GABRG1: variants seen among roughly 807,000 people sequenced by gnomAD.
The protein encoded by GABRG1 is gamma-aminobutyric acid receptor subunit gamma-1.
In GABRG1, 49 loss-of-function variants were observed where a neutral mutation model predicts 49.8. The observed-to-expected ratio is 0.98, with a 90% CI of 0.78 to 1.25. The LOEUF is 1.25. Among genes scored for constraint, GABRG1 ranks in the 50% most tolerant of loss-of-function variants. GABRG1 has a pLI of 0.00. For missense variants in GABRG1, 552 were observed against 552.3 expected (o/e 1.00, Z 0.01); for synonymous variants, 232 against 185.1 (o/e 1.25, Z -2.06).
intron 3 of GABRG1, among the ~76,000 whole-genome samples, chr4:46,072,574 C>A (rs1286845102): frequency 6.6e-6 from 1 of 152,074 alleles, no homozygotes; most frequent in Admixed American, 6.6e-5. Context: ...ATCTCTTGGT[C>A]TCTCTGAAGT....
chr4:46,097,645 T>G (rs1411881434), intron 1 of GABRG1, among the ~76,000 whole-genome samples: 1 of 151,658 alleles, frequency 6.6e-6, no homozygotes, highest in African/African-American at 2.4e-5. Context: ...AAAATATGAC[T>G]GGTGTCCCCT....
In GABRG1 at chr4:46,053,807, T is replaced by C. The variant is rs182450563; in HGVS notation, c.917-2169A>G. Reference sequence around the variant, plus strand: ...GCTTTCAGACATTTATTTAATTTAGTAATTATTATCACTGTCATTACCTTG... The same window carrying C: ...GCTTTCAGACATTTATTTAATTTAGCAATTATTATCACTGTCATTACCTTG... On this transcript the variant is annotated intron_variant, in intron 7 of 8. Coordinates refer to ENST00000295452, the MANE Select transcript of GABRG1 (RefSeq NM_173536.4). Among the ~76,000 whole-genome samples the C allele has an allele frequency of 1.4e-4, 22 of 152,200 alleles. No homozygotes were observed. In the East Asian group the frequency reaches 1.9e-3, roughly 13 times the overall value.
At chr4:46,110,688 G>T (rs1228921283) in intron 1 of GABRG1, among the ~76,000 whole-genome samples, 3 of 151,070 alleles carry the variant, frequency 2.0e-5, no homozygotes, top group Non-Finnish European at 4.5e-5. Flanking sequence ...GGGATATAAG[G>T]TTGGTTCACC....
intron 3 of GABRG1, among the ~76,000 whole-genome samples, chr4:46,072,505 G>C (rs1389117256): frequency 6.6e-6 from 1 of 152,020 alleles, no homozygotes; most frequent in South Asian, 2.1e-4. Context: ...TGGCAAGAAG[G>C]AACATATTCC....
In GABRG1 at chr4:46,073,071, ATCC is replaced by A. The variant is rs903481807; in HGVS notation, c.322-7490_322-7488del. ...CCATAAAATAATTTAAAAAATAATT[ATCC>A]AAAAACATGCCTACTATTTTTGATA... is the stretch of plus-strand genomic sequence containing the variant. On this transcript the variant is annotated intron_variant, in intron 3 of 8. Coordinates refer to ENST00000295452, the MANE Select transcript of GABRG1 (RefSeq NM_173536.4). 2.2e-3 allele frequency among the ~76,000 whole-genome samples: 333 copies of A among 152,114 alleles called. 1 individual carries two copies. The highest frequency in any genetic ancestry group is 7.4e-3 in the African/African-American group (308 of 41,560).
At position 46,065,476 on chromosome 4, in the gene GABRG1, A is replaced by G; in HGVS notation, c.430T>C (p.Trp144Arg). ...MLNSNMVGKIWIPDTFFRNSR... is the reference protein window; with the variant it reads ...MLNSNMVGKIRIPDTFFRNSR... ...TTTCTGAAGAAAGTGTCAGGAATCC[A>G]AATTTTTCCAACCATATTACTGTTA... Residue 144 changes from tryptophan (W) to arginine (R), a missense_variant, in exon 4 of 9, where the codon TGG becomes CGG. Physicochemically the swap from Trp to Arg is moderately radical, Grantham distance 101. Transcript: ENST00000295452. The G allele has an allele frequency of 6.2e-7, 1 of 1,610,870 alleles. No individual in the cohort carries two copies. Among genetic ancestry groups the G allele is most frequent in the Non-Finnish European group, 8.5e-7 (1 of 1,177,334 alleles).
rs1413498033 is a variant in GABRG1 at position 46,118,130 on chromosome 4, G to GTATATATATATA, written c.104+5679_104+5680insTATATATATATA. Reference sequence around the variant, plus strand: ...TATATATACATATATACGTGTGTGTGTGTATATATATATATACAGCTACAG... The same window carrying GTATATATATATA: ...TATATATACATATATACGTGTGTGTGTATATATATATATGTATATATATATATACAGCTACAG... On this transcript the variant is annotated intron_variant, in intron 1 of 8. Transcript: ENST00000295452. 1.4e-4 allele frequency among the ~76,000 whole-genome samples: 10 copies of GTATATATATATA among 72,570 alleles called. 1 individual carries two copies. The highest frequency in any genetic ancestry group is 6.0e-4 in the East Asian group (2 of 3,358). 47.6% of individuals were successfully genotyped at this position (72,570 alleles called of 152,430 possible).
chr4:46,099,559 T>G (rs1720305598), intron 1 of GABRG1, among the ~76,000 whole-genome samples: 1 of 151,738 alleles, frequency 6.6e-6, no homozygotes, highest in African/African-American at 2.4e-5. Flanking sequence ...TTTGTAACAC[T>G]TTGAGAATAC....
chr4:46,095,674 T>C (rs965923535), intron 2 of GABRG1, among the ~76,000 whole-genome samples: 1 of 151,820 alleles, frequency 6.6e-6, no homozygotes, highest in Non-Finnish European at 1.5e-5. Flanking sequence ...AAATTGAGGA[T>C]TTTCTATGTA....
intron 1 of GABRG1, among the ~76,000 whole-genome samples, chr4:46,104,984 T>G (rs562118081): frequency 2.6e-5 from 4 of 151,472 alleles, no homozygotes; most frequent in African/African-American, 7.3e-5. Context: ...TATTAAACAT[T>G]ACTGGATTTA....
intron 1 of GABRG1, among the ~76,000 whole-genome samples, chr4:46,111,909 A>T (rs1386941333): frequency 1.3e-5 from 2 of 151,280 alleles, no homozygotes; most frequent in Non-Finnish European, 3.0e-5. Context: ...CCTAGGAAAC[A>T]CCATTCTGGA....
rs1717624310 is a variant in GABRG1 at position 46,038,630 on chromosome 4, TGAAAAAAAG to T, written c.*2349_*2357del. 1 of 151,636 alleles carries T rather than the reference TGAAAAAAAG, an allele frequency of 6.6e-6. No individual in the cohort carries two copies. The highest frequency in any genetic ancestry group is 1.5e-5 in the Non-Finnish European group (1 of 67,682). 9.4% of individuals were successfully genotyped at this position (151,636 alleles called of 1,614,324 possible). Reference sequence around the variant, plus strand: ...AACAGGAAATGAACTGAATCAGCTTTGAAAAAAAGCTGTATTTGATTTCTTGAGAAAGAA... The same window carrying T: ...AACAGGAAATGAACTGAATCAGCTTTCTGTATTTGATTTCTTGAGAAAGAA... On this transcript the variant is annotated 3_prime_UTR_variant, in exon 9 of 9. Coordinates refer to ENST00000295452, the MANE Select transcript of GABRG1 (RefSeq NM_173536.4).
At chr4:46,122,425 A>C (rs1230106932) in intron 1 of GABRG1, among the ~76,000 whole-genome samples, 1 of 152,098 alleles carries the variant, frequency 6.6e-6, no homozygotes, top group Admixed American at 6.6e-5. Context: ...AAAATGCTAT[A>C]ATATATTCAA....
At chr4:46,047,250 G>T (rs1436837561) in intron 8 of GABRG1, among the ~76,000 whole-genome samples, 2 of 152,066 alleles carry the variant, frequency 1.3e-5, no homozygotes, top group Non-Finnish European at 2.9e-5. Flanking sequence ...AGCTTGGGAC[G>T]TATGCTAGTC....
chr4:46,044,293 C>T (rs1326327806), intron 8 of GABRG1, among the ~76,000 whole-genome samples: 2 of 151,862 alleles, frequency 1.3e-5, no homozygotes, highest in African/African-American at 4.8e-5. Flanking sequence ...GGCAACATGG[C>T]AAAACCCTGT....
intron 2 of GABRG1, among the ~76,000 whole-genome samples, chr4:46,093,926 T>C (rs1046284936): frequency 3.3e-5 from 5 of 151,960 alleles, no homozygotes; most frequent in African/African-American, 4.8e-5. Context: ...TATACATCTA[T>C]ACATTTGAGC....
At chr4:46,085,632 A>C (rs1423878055) in intron 2 of GABRG1, among the ~76,000 whole-genome samples, 1 of 151,538 alleles carries the variant, frequency 6.6e-6, no homozygotes, top group African/African-American at 2.4e-5. Context: ...AAAATATTTC[A>C]TATTAATTTT....
chr4:46,116,560 A>T (rs1422687002), intron 1 of GABRG1, among the ~76,000 whole-genome samples: 2 of 150,934 alleles, frequency 1.3e-5, no homozygotes, highest in East Asian at 3.9e-4. Flanking sequence ...AGAAATCGGA[A>T]TTCATACCTC....
Position 46,097,318 on chromosome 4 carries a change from C to A in GABRG1, c.136G>T (p.Asp46Tyr). The change falls in exon 2 of 9, where the codon GAT becomes TAT. Residue 46 changes from aspartate (D) to tyrosine (Y), a missense_variant. Physicochemically the swap from Asp to Tyr is radical, Grantham distance 160. Coordinates refer to ENST00000295452, the MANE Select transcript of GABRG1 (RefSeq NM_173536.4). Reference protein sequence around the residue: ...VDKADDEDDEDLTVNKTWVLA... With the variant: ...VDKADDEDDEYLTVNKTWVLA... ...ACCCAGGTTTTGTTCACCGTTAAAT[C>A]CTCATCATCTTCATCATCTGCCTTA... The A allele has an allele frequency of 1.9e-6, 3 of 1,609,280 alleles. No homozygotes were observed. The highest frequency in any genetic ancestry group is 2.5e-6 in the Non-Finnish European group (3 of 1,177,316).
Sources: gnomAD v4.1 joint callset for allele counts (sites outside exome capture counted in the v4.1 genomes callset) on GRCh38, gnomAD v4.1.1 for gene constraint, MANE v1.5 for transcripts, NCBI Gene and HGNC (gene_info 2026-07-23, HGNC 2026-07-21) for gene names.